The following AGFG1 variants were observed in gnomAD, a reference collection of about 807,000 sequenced individuals.
AGFG1 encodes arf-GAP domain and FG repeat-containing protein 1.
AGFG1 carries 10 observed loss-of-function variants against 60.6 expected under a neutral mutation model. The observed-to-expected ratio is 0.16, with a 90% CI of 0.10 to 0.28. AGFG1 has a LOEUF of 0.28. Ranked by LOEUF, AGFG1 falls within the 10% of genes least tolerant of loss-of-function variation. AGFG1 has a pLI of 1.00. For synonymous variants in AGFG1, 247 were observed against 242.9 expected, an observed-to-expected ratio of 1.02 and a Z score of -0.16; for missense variants, 537 against 676.5, an observed-to-expected ratio of 0.79 and a Z score of 2.29.
chr2:227,480,613 T>C (rs1381541875), intron 1 of AGFG1, among the ~76,000 whole-genome samples: 1 of 151,924 alleles, frequency 6.6e-6, no homozygotes, highest in African/African-American at 2.4e-5. Flanking sequence ...TTTTAACTGT[T>C]TCTGGGTACT....
intron 1 of AGFG1, among the ~76,000 whole-genome samples, chr2:227,472,942 C>A (rs189861839): frequency 0.079 from 7,047 of 88,860 alleles, 203 homozygotes; most frequent in African/African-American, 0.15. Context: ...TCCAGCTACC[C>A]GGGGCGCCGG....
chr2:227,536,658 T>C lies in AGFG1; in HGVS notation c.1239T>C (p.Ser413=). 6.2e-7 allele frequency: 1 copy of C among 1,613,942 alleles called. No individual in the cohort carries two copies. The highest frequency in any genetic ancestry group is 1.7e-5 in the Admixed American group (1 of 60,008). The change falls in exon 9 of 13, where the codon TCT becomes TCC. Residue 413 remains serine (S), a synonymous_variant. Transcript: ENST00000310078. ...TTGGAACAGTGCCAGTGGTTGCTTC[T>C]GCACAGACACAGCCTGCTTCATCAA... ...NVFGTVPVVA[S]AQTQPASSSV...
intron 2 of AGFG1, 38 bp from the exon 3 acceptor site, chr2:227,519,910 G>A (rs1315239883): frequency 1.6e-6 from 2 of 1,260,978 alleles, no homozygotes; most frequent in East Asian, 2.5e-5. Context: ...AAGTGAAGAT[G>A]TTGAATTTAA....
chr2:227,475,457 A>C (rs1056359427), intron 1 of AGFG1, among the ~76,000 whole-genome samples: 1 of 152,250 alleles, frequency 6.6e-6, no homozygotes, highest in African/African-American at 2.4e-5. Context: ...AGTGGCAACC[A>C]TCAAATGTCT....
intron 2 of AGFG1, among the ~76,000 whole-genome samples, chr2:227,493,386 C>G (rs1427497506): frequency 6.6e-6 from 1 of 152,042 alleles, no homozygotes; most frequent in Non-Finnish European, 1.5e-5. Flanking sequence ...TTTTAGATAC[C>G]TCATATAAAT....
intron 5 of AGFG1, among the ~76,000 whole-genome samples, chr2:227,529,754 C>T (rs1197630707): frequency 5.9e-5 from 9 of 151,970 alleles, no homozygotes; most frequent in Non-Finnish European, 8.8e-5. Flanking sequence ...ACCCAACTGC[C>T]TTGCAACTCA....
intron 10 of AGFG1, chr2:227,550,038 C>A: frequency 2.3e-6 from 1 of 439,334 alleles, no homozygotes; most frequent in Non-Finnish European, 4.7e-6. Flanking sequence ...TGACGTTGGT[C>A]TCTTTATGGC....
At chr2:227,541,104 A>G (rs538385020) in intron 10 of AGFG1, among the ~76,000 whole-genome samples, 11 of 152,334 alleles carry the variant, frequency 7.2e-5, no homozygotes, top group Admixed American at 3.9e-4. Context: ...GCCCTTTGTC[A>G]GATGGGTAGA....
At chr2:227,545,527 G>A (rs1169957711) in intron 10 of AGFG1, among the ~76,000 whole-genome samples, 1 of 152,214 alleles carries the variant, frequency 6.6e-6, no homozygotes. Flanking sequence ...GCAGTCCTTT[G>A]GAGGAGAAGA....
At chr2:227,544,407 G>A (rs1692582198) in intron 10 of AGFG1, among the ~76,000 whole-genome samples, 1 of 152,058 alleles carries the variant, frequency 6.6e-6, no homozygotes, top group South Asian at 2.1e-4. Flanking sequence ...GCCTGTCTTG[G>A]CCTCCCAAAG....
chr2:227,509,147 A>G (rs1019780967), intron 2 of AGFG1, among the ~76,000 whole-genome samples: 4 of 152,202 alleles, frequency 2.6e-5, no homozygotes, highest in African/African-American at 9.6e-5. Context: ...TTAACCAAAT[A>G]ATCCAAGTAT....
intron 10 of AGFG1, among the ~76,000 whole-genome samples, chr2:227,542,436 G>A (rs1376879062): frequency 6.6e-6 from 1 of 152,160 alleles, no homozygotes; most frequent in African/African-American, 2.4e-5. Flanking sequence ...TTAGCCTTTG[G>A]TTCTGTGTAT....
chr2:227,552,397 T>G (rs1362322902), intron 11 of AGFG1, among the ~76,000 whole-genome samples: 4 of 152,202 alleles, frequency 2.6e-5, no homozygotes, highest in Non-Finnish European at 5.9e-5. Flanking sequence ...TTATTTCGTC[T>G]TACATGTTCT....
intron 1 of AGFG1, among the ~76,000 whole-genome samples, chr2:227,488,581 G>T (rs1050366298): frequency 7.2e-5 from 11 of 152,220 alleles, no homozygotes; most frequent in Admixed American, 4.6e-4. Flanking sequence ...AATAAGGAGA[G>T]ACAAAGTTGC....
intron 5 of AGFG1, among the ~76,000 whole-genome samples, chr2:227,530,468 A>G (rs1296154826): frequency 6.6e-6 from 1 of 152,166 alleles, no homozygotes; most frequent in East Asian, 1.9e-4. Context: ...ATTATATGCT[A>G]TAATTTCTAT....
At position 227,561,046 on chromosome 2, in the gene AGFG1, ATT is replaced by A. The variant is rs1693122616; in HGVS notation, c.*6554_*6555del. Reference sequence around the variant, plus strand: ...AATACGCCATGATTTTTGAAGACCAATTTTAGTTCAGGAGGTGGTTTTAAATA... The same window carrying A: ...AATACGCCATGATTTTTGAAGACCAATTAGTTCAGGAGGTGGTTTTAAATA... On this transcript the variant is annotated 3_prime_UTR_variant, in exon 13 of 13. Coordinates refer to ENST00000310078, the MANE Select transcript of AGFG1 (RefSeq NM_004504.5). 6.6e-6 allele frequency: 1 copy of A among 152,174 alleles called. No individual in the cohort carries two copies. Among genetic ancestry groups the A allele is most frequent in the African/African-American group, 2.4e-5 (1 of 41,460 alleles). 9.4% of individuals were successfully genotyped at this position (152,174 alleles called of 1,614,324 possible).
intron 2 of AGFG1, among the ~76,000 whole-genome samples, chr2:227,514,278 C>T (rs1411326755): frequency 6.6e-6 from 1 of 152,220 alleles, no homozygotes; most frequent in Non-Finnish European, 1.5e-5. Flanking sequence ...GTGGCACGAT[C>T]TCAGCTCACT....
At chr2:227,540,555 A>G (rs1308779172) in intron 10 of AGFG1, among the ~76,000 whole-genome samples, 1 of 152,202 alleles carries the variant, frequency 6.6e-6, no homozygotes, top group Non-Finnish European at 1.5e-5. Flanking sequence ...ATAGTATTCC[A>G]TGGTGTATAT....
intron 4 of AGFG1, among the ~76,000 whole-genome samples, chr2:227,524,191 A>ATG (rs933052314): frequency 6.6e-6 from 1 of 152,000 alleles, no homozygotes; most frequent in South Asian, 2.1e-4. Context: ...AGCTATATAT[A>ATG]TGTGTGTGTG....
Sources: allele counts gnomAD v4.1 joint callset (sites outside exome capture counted in the v4.1 genomes callset), GRCh38; gene constraint gnomAD v4.1.1; transcripts MANE v1.5; gene names NCBI Gene and HGNC (gene_info 2026-07-23, HGNC 2026-07-21).